IFT122: variants seen among roughly 807,000 people sequenced by gnomAD.
IFT122 encodes intraflagellar transport protein 122 homolog.
Under a neutral mutation model 161.6 loss-of-function variants are expected in IFT122, and 118 were observed. The observed-to-expected ratio is 0.73, with a 90% CI of 0.63 to 0.85. The LOEUF is 0.85. Ranked by LOEUF, IFT122 falls within the 40% of genes least tolerant of loss-of-function variation. IFT122 has a pLI of 0.00. For missense variants in IFT122, 1,381 were observed against 1,579.6 expected, an observed-to-expected ratio of 0.87 and a Z score of 2.13; for synonymous variants, 550 against 602.4, an observed-to-expected ratio of 0.91 and a Z score of 1.27.
At chr3:129,459,970 C>T (rs969232485) in intron 4 of IFT122, among the ~76,000 whole-genome samples, 7 of 151,834 alleles carry the variant, frequency 4.6e-5, no homozygotes, top group African/African-American at 1.7e-4. Flanking sequence ...ACTTTGTTGC[C>T]TGTACTGGTC....
intron 24 of IFT122, chr3:129,512,865 C>T (rs945619309): frequency 1.2e-5 from 3 of 245,960 alleles, no homozygotes; most frequent in Admixed American, 1.0e-4. Flanking sequence ...AGAGGGAGGT[C>T]ACAAGTTAGG....
intron 16 of IFT122, among the ~76,000 whole-genome samples, chr3:129,489,994 G>A (rs962879003): frequency 1.3e-5 from 2 of 151,576 alleles, no homozygotes; most frequent in Non-Finnish European, 2.9e-5. Flanking sequence ...TAATATGAGT[G>A]TTTACTGATA....
intron 18 of IFT122, 70 bp downstream of exon 18, chr3:129,495,677 G>GTTATT (rs943637763): frequency 3.2e-6 from 5 of 1,561,136 alleles, no homozygotes; most frequent in Non-Finnish European, 4.4e-6. Context: ...CGGTGTCCAA[G>GTTATT]TTATTTTCCC....
At chr3:129,456,619 A>G (rs1001589201) in intron 3 of IFT122, among the ~76,000 whole-genome samples, 1 of 151,972 alleles carries the variant, frequency 6.6e-6, no homozygotes, top group Non-Finnish European at 1.5e-5. Context: ...CCTGGGTGAC[A>G]GAGCTAGACT....
intron 13 of IFT122, 171 bp from the exon 14 acceptor site, chr3:129,481,359 A>C: frequency 3.5e-5 from 22 of 628,312 alleles, no homozygotes; most frequent in Non-Finnish European, 2.7e-5. Flanking sequence ...AGGATAAGCC[A>C]TTGCCCCCCA....
intron 15 of IFT122, among the ~76,000 whole-genome samples, chr3:129,486,499 C>G (rs1280623000): frequency 6.6e-6 from 1 of 152,162 alleles, no homozygotes; most frequent in Non-Finnish European, 1.5e-5. Flanking sequence ...TACTGACGGA[C>G]TTTAGAAAGG....
intron 20 of IFT122, 83 bp from the exon 21 acceptor site, chr3:129,504,236 C>T (rs1328322042): frequency 3.5e-6 from 4 of 1,152,276 alleles, no homozygotes; most frequent in Non-Finnish European, 5.2e-6. Flanking sequence ...ATATGATGTC[C>T]CTAATGGATT....
chr3:129,456,210 C>A, intron 3 of IFT122: 1 of 1,284,014 alleles, frequency 7.8e-7, no homozygotes, highest in Non-Finnish European at 1.0e-6. Flanking sequence ...AAAGCTTATG[C>A]TTTTCATCAC....
intron 19 of IFT122, among the ~76,000 whole-genome samples, chr3:129,501,661 T>C (rs1039428504): frequency 7.2e-5 from 11 of 152,358 alleles, no homozygotes; most frequent in Middle Eastern, 3.4e-3. Flanking sequence ...ACTTGAGTAA[T>C]TCAAGAAACA....
At chr3:129,520,116 C>T in intron 29 of IFT122, 60 bp from the exon 30 acceptor site, 3 of 1,414,568 alleles carry the variant, frequency 2.1e-6, no homozygotes, top group South Asian at 1.2e-5. Flanking sequence ...GTCCTGGCCC[C>T]AGGCGTAGGG....
chr3:129,465,289 T>G (rs1451826214), intron 7 of IFT122, among the ~76,000 whole-genome samples: 2 of 152,038 alleles, frequency 1.3e-5, no homozygotes, highest in East Asian at 1.9e-4. Flanking sequence ...TGCCCACCTG[T>G]TAATAAATAG....
chr3:129,506,427 G>A lies in IFT122; in HGVS notation c.2669G>A (p.Arg890Gln), dbSNP rs145212370. ...EAQKAFHKAG[R>Q]QREAVQVLEQ... ...CCTACAGCGTTCCACAAGGCTGGGC[G>A]ACAGAGAGAAGCGGTCCAGGTGCTG... Residue 890 changes from arginine (R) to glutamine (Q), a missense_variant, in exon 22 of 30, where the codon CGA (arginine) becomes CAA (glutamine). Coordinates refer to ENST00000348417, the MANE Select transcript of IFT122 (RefSeq NM_052989.3). 78 of 1,613,968 alleles carry A rather than the reference G, an allele frequency of 4.8e-5. No individual in the cohort carries two copies. The highest frequency in any genetic ancestry group is 1.6e-4 in the African/African-American group (12 of 74,922).
chr3:129,440,829 C>T (rs1283250638), intron 1 of IFT122, among the ~76,000 whole-genome samples: 5 of 152,226 alleles, frequency 3.3e-5, no homozygotes, highest in African/African-American at 7.2e-5. Flanking sequence ...GTGTCACTTG[C>T]TCTAAATGTT....
At chr3:129,474,496 T>A (rs1480597533) in intron 9 of IFT122, among the ~76,000 whole-genome samples, 1 of 151,928 alleles carries the variant, frequency 6.6e-6, no homozygotes, top group Admixed American at 6.6e-5. Context: ...ACGAGAGAAG[T>A]GCAATGGGAT....
At chr3:129,517,946 C>T (rs1010136392) in intron 27 of IFT122, among the ~76,000 whole-genome samples, 1 of 152,208 alleles carries the variant, frequency 6.6e-6, no homozygotes, top group African/African-American at 2.4e-5. Flanking sequence ...GCCCCCAGCT[C>T]TTCCACTCAA....
rs776099605 is a variant in IFT122 at position 129,507,704 on chromosome 3, A to T, written c.2828A>T (p.Tyr943Phe). 1 of 1,614,110 alleles carries T rather than the reference A, an allele frequency of 6.2e-7. No homozygotes were observed. Among genetic ancestry groups the T allele is most frequent in the South Asian group, 1.1e-5 (1 of 91,088 alleles). Residue 943 changes from tyrosine (Y) to phenylalanine (F), a missense_variant, in exon 23 of 30, where the codon TAC becomes TTC. Tyr to Phe is a conservative substitution (Grantham distance 22). Transcript: ENST00000348417. ...AAGGACACAATGCTTGGCAAGTTCT[A>T]CCACTTCCAGCGTTTGGCAGAGCTG... is the stretch of plus-strand genomic sequence containing the variant. ...AQKDTMLGKF[Y>F]HFQRLAELYH...
chr3:129,494,043 T>C (rs2080503505), intron 17 of IFT122, among the ~76,000 whole-genome samples: 2 of 152,178 alleles, frequency 1.3e-5, no homozygotes, highest in African/African-American at 2.4e-5. Flanking sequence ...TGGGTGCCTT[T>C]TGGATAGGGG....
chr3:129,499,569 C>A (rs913691521), intron 18 of IFT122, among the ~76,000 whole-genome samples: 1 of 152,194 alleles, frequency 6.6e-6, no homozygotes, highest in Non-Finnish European at 1.5e-5. Context: ...AACCCCCGAC[C>A]CTGCAGACTT....
chr3:129,482,976 G>A (rs758504782), intron 14 of IFT122, among the ~76,000 whole-genome samples: 4 of 152,162 alleles, frequency 2.6e-5, no homozygotes, highest in Non-Finnish European at 2.9e-5. Flanking sequence ...GTGGAAGGGC[G>A]TCTGTGCTGC....
Sources: gnomAD v4.1 joint callset for allele counts (sites outside exome capture counted in the v4.1 genomes callset) on GRCh38, gnomAD v4.1.1 for gene constraint, MANE v1.5 for transcripts, NCBI Gene and HGNC (gene_info 2026-07-23, HGNC 2026-07-21) for gene names.